Variants in CAMTA1 observed in about 807,000 individuals in gnomAD.
CAMTA1 encodes calmodulin-binding transcription activator 1.
A neutral mutation model predicts 170.9 loss-of-function variants in CAMTA1; 27 were observed. The ratio of observed to expected loss-of-function variants is 0.16; its 90% CI spans 0.12 to 0.22. CAMTA1 has a LOEUF of 0.22. Among genes scored for constraint, CAMTA1 ranks in the 10% least tolerant of loss-of-function variants. The pLI is 1.00. For missense variants in CAMTA1, 1,619 were observed against 2,217.2 expected, an observed-to-expected ratio of 0.73 and a Z score of 5.42; for synonymous variants, 833 against 891.5, an observed-to-expected ratio of 0.93 and a Z score of 1.17.
intron 3 of CAMTA1, among the ~76,000 whole-genome samples, chr1:7,070,464 C>T (rs556765372): frequency 6.6e-6 from 1 of 152,176 alleles, no homozygotes; most frequent in South Asian, 2.1e-4. Flanking sequence ...GTTGTCTTCC[C>T]GCAGCGATAG....
intron 5 of CAMTA1, among the ~76,000 whole-genome samples, chr1:7,269,684 G>C (rs1375243250): frequency 2.6e-5 from 4 of 152,176 alleles, no homozygotes; most frequent in Non-Finnish European, 5.9e-5. Context: ...AGAGAAGAAA[G>C]GTAGGGGGAA....
intron 3 of CAMTA1, among the ~76,000 whole-genome samples, chr1:6,906,437 A>G (rs979852426): frequency 6.6e-6 from 1 of 152,136 alleles, no homozygotes; most frequent in Non-Finnish European, 1.5e-5. Context: ...CCCAGCCTTA[A>G]ATCAACCAAA....
intron 11 of CAMTA1, among the ~76,000 whole-genome samples, chr1:7,705,418 C>T (rs1577053154): frequency 6.8e-6 from 1 of 146,698 alleles, no homozygotes; most frequent in African/African-American, 2.5e-5. Context: ...CCACGCGTGT[C>T]TGGGTGCGCG....
At chr1:6,962,955 C>A (rs1221438577) in intron 3 of CAMTA1, among the ~76,000 whole-genome samples, 1 of 151,446 alleles carries the variant, frequency 6.6e-6, no homozygotes, top group Non-Finnish European at 1.5e-5. Context: ...TGGGGCCCCG[C>A]CCTCATTTGG....
At chr1:7,597,505 T>A (rs2095409235) in intron 6 of CAMTA1, among the ~76,000 whole-genome samples, 1 of 152,190 alleles carries the variant, frequency 6.6e-6, no homozygotes, top group African/African-American at 2.4e-5. Context: ...CAGCAGAAGA[T>A]GTGTTTCCTG....
chr1:7,606,354 C>G (rs775518005), intron 6 of CAMTA1, among the ~76,000 whole-genome samples: 1 of 152,146 alleles, frequency 6.6e-6, no homozygotes, highest in Non-Finnish European at 1.5e-5. Flanking sequence ...TAAGATGGCA[C>G]TTGTTGGGCA....
rs78732930 is a variant in CAMTA1, at chr1:7,054,968, C to T, written c.235-36336C>T. 3.9e-5 allele frequency among the ~76,000 whole-genome samples: 6 copies of T among 152,172 alleles called. No individual in the cohort carries two copies. The East Asian group carries it at 7.7e-4, about 20-fold the overall frequency. On this transcript the variant is annotated intron_variant, in intron 3 of 22. Coordinates refer to ENST00000303635, the MANE Select transcript of CAMTA1 (RefSeq NM_015215.4). ...ATGAAGGGGAAGTAGGCTGGTCTTC[C>T]GTGGCTGGGGCAGGAGCAAGAGAGA...
chr1:6,786,354 GTCTCCGTTTCTATGGCAAGTGAGGA>G, intron 1 of CAMTA1, among the ~76,000 whole-genome samples: 1 of 151,938 alleles, frequency 6.6e-6, no homozygotes, highest in East Asian at 2.0e-4. Context: ...GGAGGGTGGG[GTCTCCGTTTCTATGGCAAGTGAGGA>G]TCTCCACACT....
chr1:7,643,779 C>T (rs1374509678), intron 7 of CAMTA1, among the ~76,000 whole-genome samples: 1 of 152,154 alleles, frequency 6.6e-6, no homozygotes, highest in East Asian at 1.9e-4. Flanking sequence ...CTCGGGCGTG[C>T]GTGTGCACGG....
At chr1:7,510,419 G>T (rs1384472553) in intron 6 of CAMTA1, among the ~76,000 whole-genome samples, 1 of 145,580 alleles carries the variant, frequency 6.9e-6, no homozygotes, top group African/African-American at 2.5e-5. Context: ...GCCCCTGGGG[G>T]CTCACCTGTC....
At chr1:7,694,565 T>A (rs1291672867) in intron 11 of CAMTA1, 1 of 152,902 alleles carries the variant, frequency 6.5e-6, no homozygotes, top group Non-Finnish European at 1.5e-5. Context: ...CTGCCTCCTG[T>A]CTCTGTCCTG....
chr1:6,835,986 C>T (rs1333609625), intron 3 of CAMTA1, among the ~76,000 whole-genome samples: 2 of 152,090 alleles, frequency 1.3e-5, no homozygotes, highest in Non-Finnish European at 2.9e-5. Context: ...TCTTCATATC[C>T]GTTTGGCTCA....
Position 6,971,116 on chromosome 1 carries a change from CAGTG to C in CAMTA1, c.235-120185_235-120182del, listed in dbSNP as rs1443986277. On this transcript the variant is annotated intron_variant, in intron 3 of 22. Coordinates refer to ENST00000303635, the MANE Select transcript of CAMTA1 (RefSeq NM_015215.4). The surrounding 1 kb of genome is among the most constrained non-coding windows in gnomAD (Gnocchi z 4.6). The stretch of plus-strand genomic sequence containing the variant: ...AGCTCCATTGTGGTCCTAGGAGTGT[CAGTG>C]AGCACAAAGCAGACACAGAAGAAAC... Among the ~76,000 whole-genome samples the C allele has an allele frequency of 6.6e-6, 1 of 152,160 alleles. No individual in the cohort carries two copies. The highest frequency in any genetic ancestry group is 2.4e-5 in the African/African-American group (1 of 41,444).
chr1:7,247,119 G>A (rs537138609), intron 4 of CAMTA1, among the ~76,000 whole-genome samples: 3 of 152,326 alleles, frequency 2.0e-5, no homozygotes, highest in South Asian at 4.1e-4. Flanking sequence ...CAGATTGGTG[G>A]ATTAAACACT....
rs982619157 is a variant in CAMTA1, at chr1:6,793,562, A to G, written c.45+7987A>G. Among the ~76,000 whole-genome samples the G allele has an allele frequency of 3.9e-5, 6 of 152,202 alleles. No individual in the cohort carries two copies. The East Asian group carries it at 1.2e-3, about 29-fold the overall frequency. On this transcript the variant is annotated intron_variant, in intron 1 of 22. Coordinates refer to ENST00000303635, the MANE Select transcript of CAMTA1 (RefSeq NM_015215.4). ...CCTGTGCATTGTGCAGTGATGATTT[A>G]TACTTTCAGCTAAATTTAGTGTCTA...
At chr1:7,268,997 G>T (rs1669315018) in intron 5 of CAMTA1, among the ~76,000 whole-genome samples, 1 of 152,208 alleles carries the variant, frequency 6.6e-6, no homozygotes, top group African/African-American at 2.4e-5. Flanking sequence ...AATATCTAAA[G>T]TGAAAATGTC....
chr1:7,106,219 G>A (rs912395184), intron 4 of CAMTA1, among the ~76,000 whole-genome samples: 1 of 151,516 alleles, frequency 6.6e-6, no homozygotes, highest in African/African-American at 2.4e-5. Flanking sequence ...CTGCAAAGTA[G>A]GTAATGCCTG....
chr1:7,296,822 AAG>A (rs1275526977), intron 5 of CAMTA1, among the ~76,000 whole-genome samples: 1 of 152,122 alleles, frequency 6.6e-6, no homozygotes, highest in Non-Finnish European at 1.5e-5. Context: ...CACCGAGAGA[AAG>A]AGTATAAAGG....
intron 16 of CAMTA1, among the ~76,000 whole-genome samples, chr1:7,742,923 G>C (rs1466374391): frequency 6.6e-6 from 1 of 152,252 alleles, no homozygotes; most frequent in South Asian, 2.1e-4. Context: ...CCATCTCCTG[G>C]GTTCAAGCAA....
Sources: gnomAD v4.1 joint callset for allele counts (sites outside exome capture counted in the v4.1 genomes callset) on GRCh38, gnomAD v4.1.1 for gene constraint, Gnocchi (gnomAD v3.1) non-coding constraint, MANE v1.5 for transcripts, NCBI Gene and HGNC (gene_info 2026-07-23, HGNC 2026-07-21) for gene names.